Variants in BICD1 observed in about 807,000 individuals in gnomAD.
BICD1 encodes BICD cargo adaptor 1.
In BICD1, 35 loss-of-function variants were observed where a neutral mutation model predicts 92.5. The ratio of observed to expected loss-of-function variants is 0.38; its 90% CI spans 0.29 to 0.50. The LOEUF (loss-of-function observed/expected upper bound fraction) is 0.50, where lower values mean the gene tolerates loss of function less well. Ranked by LOEUF, BICD1 falls within the 20% of genes least tolerant of loss-of-function variation. The pLI is 0.93. For synonymous variants in BICD1, 429 were observed against 465.1 expected (o/e 0.92, Z 1.00); for missense variants, 950 against 1,189.8 (o/e 0.80, Z 2.97).
At chr12:32,332,942 G>A (rs1445140028) in intron 5 of BICD1, 1 of 985,356 alleles carries the variant, frequency 1.0e-6, no homozygotes, top group Middle Eastern at 5.2e-4. Flanking sequence ...GTGAGTTATG[G>A]ATACTTAAAA....
rs577598965 is a variant in BICD1 at position 32,255,932 on chromosome 12, G to A, written c.427-38062G>A. On this transcript the variant is annotated intron_variant, in intron 2 of 9. Coordinates refer to ENST00000652176, the MANE Select transcript of BICD1 (RefSeq NM_001714.4). ...ATGTTGACTCGACATTAATAATAGA[G>A]CATATTAATGATAATATTATTAATT... 4.6e-5 allele frequency among the ~76,000 whole-genome samples: 7 copies of A among 152,032 alleles called. No homozygotes were observed. In the South Asian group the frequency reaches 1.5e-3, roughly 32 times the overall value.
intron 4 of BICD1, among the ~76,000 whole-genome samples, chr12:32,322,413 A>G (rs558574207): frequency 7.9e-5 from 12 of 152,270 alleles, no homozygotes; most frequent in African/African-American, 2.9e-4. Context: ...GTCTGGGGCC[A>G]TTAGATCTCA....
intron 1 of BICD1, among the ~76,000 whole-genome samples, chr12:32,144,753 A>G (rs1206222995): frequency 6.6e-6 from 1 of 152,236 alleles, no homozygotes. Context: ...TTTCTTTCAT[A>G]AAGATTGAGA....
At chr12:32,224,474 G>C (rs1565599590) in intron 2 of BICD1, among the ~76,000 whole-genome samples, 2 of 152,112 alleles carry the variant, frequency 1.3e-5, no homozygotes, top group Non-Finnish European at 2.9e-5. Flanking sequence ...TATTTCTTTT[G>C]GTTGAAAAGT....
At chr12:32,237,934 T>C (rs968586649) in intron 2 of BICD1, among the ~76,000 whole-genome samples, 3 of 152,222 alleles carry the variant, frequency 2.0e-5, no homozygotes, top group Non-Finnish European at 4.4e-5. Flanking sequence ...ATACATTTTA[T>C]AAAGATATAG....
intron 2 of BICD1, among the ~76,000 whole-genome samples, chr12:32,254,735 G>A (rs1565621851): frequency 6.6e-6 from 1 of 152,178 alleles, no homozygotes; most frequent in Admixed American, 6.5e-5. Flanking sequence ...CTGGAATTTA[G>A]TGACTACTAT....
intron 1 of BICD1, among the ~76,000 whole-genome samples, chr12:32,188,322 A>G (rs905673089): frequency 5.9e-5 from 9 of 152,302 alleles, no homozygotes; most frequent in African/African-American, 2.2e-4. Context: ...AACTAGCACA[A>G]CACTTCAGAT....
chr12:32,205,875 C>T (rs1017728441), intron 1 of BICD1, among the ~76,000 whole-genome samples: 1 of 151,774 alleles, frequency 6.6e-6, no homozygotes, highest in Non-Finnish European at 1.5e-5. Context: ...TGTCCCCGCC[C>T]CAGTGCAACC....
chr12:32,166,427 C>T (rs938645768), intron 1 of BICD1, among the ~76,000 whole-genome samples: 1 of 152,084 alleles, frequency 6.6e-6, no homozygotes, highest in African/African-American at 2.4e-5. Context: ...TGGGCCACCG[C>T]GCCAGGCTAT....
intron 1 of BICD1, among the ~76,000 whole-genome samples, chr12:32,125,991 G>A (rs777767564): frequency 4.8e-4 from 70 of 144,724 alleles, no homozygotes; most frequent in Admixed American, 1.2e-3. Flanking sequence ...GGAGTTTGCA[G>A]TTAGCTGAGA....
intron 1 of BICD1, among the ~76,000 whole-genome samples, chr12:32,111,600 T>A (rs1310715203): frequency 6.6e-6 from 1 of 152,150 alleles, no homozygotes; most frequent in Non-Finnish European, 1.5e-5. Flanking sequence ...TTGTTTTTAT[T>A]TTTTTATTTT....
At chr12:32,284,011 C>T (rs543833055) in intron 2 of BICD1, among the ~76,000 whole-genome samples, 12 of 152,334 alleles carry the variant, frequency 7.9e-5, no homozygotes, top group Non-Finnish European at 1.5e-4. Context: ...CCCTGCCCTC[C>T]CTCTACCCCG....
intron 8 of BICD1, among the ~76,000 whole-genome samples, chr12:32,358,540 CA>C (rs1191746510): frequency 1.3e-5 from 2 of 151,934 alleles, no homozygotes; most frequent in Non-Finnish European, 2.9e-5. Flanking sequence ...AGATGGAGAC[CA>C]TCCTGGCCAA....
chr12:32,262,919 G>A (rs1313965109), intron 2 of BICD1, among the ~76,000 whole-genome samples: 7 of 152,016 alleles, frequency 4.6e-5, no homozygotes, highest in Non-Finnish European at 8.8e-5. Flanking sequence ...CAAGGTGGGC[G>A]GATCGCTTGA....
At chr12:32,376,250 AT>A (rs951574892) in intron 9 of BICD1, among the ~76,000 whole-genome samples, 19 of 149,082 alleles carry the variant, frequency 1.3e-4, no homozygotes, top group African/African-American at 3.2e-4. Context: ...TACCCAGCTA[AT>A]TTTTTTTTTG....
chr12:32,241,759 T>G (rs1190593036), intron 2 of BICD1, among the ~76,000 whole-genome samples: 3 of 152,160 alleles, frequency 2.0e-5, no homozygotes, highest in Non-Finnish European at 4.4e-5. Context: ...CCCCAGTGTA[T>G]CCCATCAAAT....
At chr12:32,274,786 C>G (rs545638301) in intron 2 of BICD1, among the ~76,000 whole-genome samples, 16 of 152,254 alleles carry the variant, frequency 1.1e-4, no homozygotes. Flanking sequence ...TGTTCTAGAA[C>G]TAGACAGTCT....
chr12:32,349,756 G>C (rs959114071), intron 8 of BICD1, among the ~76,000 whole-genome samples: 3 of 152,034 alleles, frequency 2.0e-5, no homozygotes, highest in African/African-American at 7.2e-5. Flanking sequence ...AAACTTTTTT[G>C]ATGATTTAAA....
At chr12:32,205,412 C>T (rs1258110093) in intron 1 of BICD1, among the ~76,000 whole-genome samples, 1 of 152,074 alleles carries the variant, frequency 6.6e-6, no homozygotes, top group African/African-American at 2.4e-5. Flanking sequence ...GACTCTTGCA[C>T]ATGTGACTTA....
Sources: allele counts gnomAD v4.1 joint callset (sites outside exome capture counted in the v4.1 genomes callset), GRCh38; gene constraint gnomAD v4.1.1; transcripts MANE v1.5; gene names NCBI Gene and HGNC (gene_info 2026-07-23, HGNC 2026-07-21).